KLF12: variants seen among roughly 807,000 people sequenced by gnomAD.
KLF12 encodes the protein Krueppel-like factor 12.
Under a neutral mutation model 37.8 loss-of-function variants are expected in KLF12, and 9 were observed. That is an observed-to-expected ratio of 0.24 (90% confidence interval 0.14 to 0.42). The LOEUF is 0.42. Among genes scored for constraint, KLF12 ranks in the 10% least tolerant of loss-of-function variants. The pLI, the probability that KLF12 is intolerant of heterozygous loss-of-function variation, is 1.00. For missense variants in KLF12, 411 were observed against 516.0 expected (o/e 0.80, Z 1.97); for synonymous variants, 208 against 202.1 (o/e 1.03, Z -0.25).
chr13:74,275,860 T>TTCTA, the KLF12 span, among the ~76,000 whole-genome samples: 1 of 117,506 alleles, frequency 8.5e-6, no homozygotes, highest in Admixed American at 8.9e-5. Flanking sequence ...CTTTCTTTCT[T>TTCTA]TCTTTCTATC....
chr13:74,234,109 A>G, the KLF12 span, among the ~76,000 whole-genome samples: 2 of 152,178 alleles, frequency 1.3e-5, no homozygotes, highest in African/African-American at 2.4e-5. Flanking sequence ...ATAGATGGGA[A>G]CTCTCAGTAC....
intron 1 of KLF12, among the ~76,000 whole-genome samples, chr13:74,104,126 A>T (rs1391026501): frequency 6.6e-6 from 1 of 152,258 alleles, no homozygotes; most frequent in Non-Finnish European, 1.5e-5. Flanking sequence ...ATTAGGAAGT[A>T]TCCCAGATAA....
chr13:73,780,084 G>T (rs1880864126), intron 5 of KLF12, among the ~76,000 whole-genome samples: 1 of 152,154 alleles, frequency 6.6e-6, no homozygotes, highest in Non-Finnish European at 1.5e-5. Flanking sequence ...AAGAGAACTA[G>T]AGTTAAAAGT....
At chr13:74,241,667 A>G in the KLF12 span, among the ~76,000 whole-genome samples, 1 of 152,178 alleles carries the variant, frequency 6.6e-6, no homozygotes, top group South Asian at 2.1e-4. Flanking sequence ...CCGTTTTTTA[A>G]GCCCGTCGGA....
At chr13:73,958,547 T>A (rs1459090641) in intron 2 of KLF12, among the ~76,000 whole-genome samples, 2 of 152,146 alleles carry the variant, frequency 1.3e-5, no homozygotes, top group Non-Finnish European at 2.9e-5. Context: ...CCAGCCAATT[T>A]TTTTTTTTAA....
At chr13:73,715,550 CA>C in intron 6 of KLF12, 25 bp from the exon 7 acceptor site, 2 of 1,610,384 alleles carry the variant, frequency 1.2e-6, no homozygotes, top group Middle Eastern at 3.3e-4. Flanking sequence ...AGTGGAGTTA[CA>C]CGGTGAGATG....
intron 7 of KLF12, among the ~76,000 whole-genome samples, chr13:73,713,058 T>C (rs143145892): frequency 6.6e-6 from 1 of 152,310 alleles, no homozygotes; most frequent in Non-Finnish European, 1.5e-5. Context: ...ATTTGTGGTA[T>C]GAAAACTTAA....
At chr13:74,284,019 G>C in the KLF12 span, among the ~76,000 whole-genome samples, 1 of 151,682 alleles carries the variant, frequency 6.6e-6, no homozygotes, top group African/African-American at 2.4e-5. Context: ...CTCCATGCCC[G>C]GCTAATTTTT....
At chr13:73,868,256 G>A (rs559111170) in intron 3 of KLF12, among the ~76,000 whole-genome samples, 38 of 124,468 alleles carry the variant, frequency 3.1e-4, no homozygotes, top group African/African-American at 1.1e-3. Context: ...AGGTTGCGGT[G>A]AGCCGAGATG....
chr13:73,826,087 C>T (rs1439762321), intron 4 of KLF12, among the ~76,000 whole-genome samples: 1 of 152,100 alleles, frequency 6.6e-6, no homozygotes, highest in Non-Finnish European at 1.5e-5. Flanking sequence ...ATTCTCCTGC[C>T]TCATCCTCCC....
chr13:73,862,677 T>G (rs1885992820), intron 3 of KLF12, among the ~76,000 whole-genome samples: 1 of 152,196 alleles, frequency 6.6e-6, no homozygotes, highest in Non-Finnish European at 1.5e-5. Context: ...CTTAGCAGAA[T>G]TATTTTTTCC....
intron 6 of KLF12, among the ~76,000 whole-genome samples, chr13:73,751,764 A>G (rs1388099592): frequency 6.6e-6 from 1 of 152,140 alleles, no homozygotes; most frequent in Non-Finnish European, 1.5e-5. Context: ...ATGGGCCCTC[A>G]TATATTAAGA....
chr13:74,002,525 G>A (rs542060820), intron 1 of KLF12, among the ~76,000 whole-genome samples: 8 of 152,146 alleles, frequency 5.3e-5, no homozygotes, highest in South Asian at 2.1e-4. Flanking sequence ...ACAGGCTAGC[G>A]CCACCACATT....
chr13:74,002,352 TTTTC>T (rs1279103519), intron 1 of KLF12, among the ~76,000 whole-genome samples: 1 of 152,226 alleles, frequency 6.6e-6, no homozygotes, highest in Non-Finnish European at 1.5e-5. Flanking sequence ...TGACAAATTA[TTTTC>T]TTATTTATTT....
the KLF12 span, among the ~76,000 whole-genome samples, chr13:74,295,380 T>C: frequency 6.6e-5 from 10 of 152,172 alleles, no homozygotes; most frequent in Non-Finnish European, 1.5e-4. Context: ...TCTGTGGAAA[T>C]ACTCTTCCTT....
At chr13:74,246,338 C>T in the KLF12 span, among the ~76,000 whole-genome samples, 2 of 152,198 alleles carry the variant, frequency 1.3e-5, no homozygotes, top group Admixed American at 6.5e-5. Context: ...CCATTGAAGA[C>T]AGCCCATTTT....
the KLF12 span, among the ~76,000 whole-genome samples, chr13:74,253,483 C>T: frequency 1.3e-4 from 20 of 152,222 alleles, no homozygotes; most frequent in Admixed American, 4.6e-4. Flanking sequence ...CCTCAAATCC[C>T]TTGTGGATAT....
the KLF12 span, chr13:74,289,247 A>G: frequency 1.3e-5 from 2 of 152,230 alleles, no homozygotes; most frequent in Non-Finnish European, 2.9e-5. Flanking sequence ...GAGAAGCCAT[A>G]CAAGTACAGA....
chr13:73,757,954 A>T (rs7336427), intron 6 of KLF12, among the ~76,000 whole-genome samples: 4 of 151,982 alleles, frequency 2.6e-5, no homozygotes, highest in African/African-American at 9.7e-5. Context: ...ACAGATACAT[A>T]TATTTTTTCA....
Sources: gnomAD v4.1 joint callset for allele counts (sites outside exome capture counted in the v4.1 genomes callset) on GRCh38, gnomAD v4.1.1 for gene constraint, MANE v1.5 for transcripts, NCBI Gene and HGNC (gene_info 2026-07-23, HGNC 2026-07-21) for gene names.